Variants in SNX9 observed in about 807,000 individuals in gnomAD.
The protein encoded by SNX9 is sorting nexin 9.
A neutral mutation model predicts 89.4 loss-of-function variants in SNX9; 44 were observed. The ratio of observed to expected loss-of-function variants is 0.49; its 90% CI spans 0.39 to 0.63. The LOEUF is 0.63. Ranked by LOEUF, SNX9 falls within the 30% of genes least tolerant of loss-of-function variation. SNX9 has a pLI of 0.00. For missense variants in SNX9, 578 were observed against 736.1 expected, an observed-to-expected ratio of 0.79 and a Z score of 2.49; for synonymous variants, 236 against 247.8, an observed-to-expected ratio of 0.95 and a Z score of 0.45.
At chr6:157,862,935 T>C (rs1782174705) in intron 1 of SNX9, among the ~76,000 whole-genome samples, 1 of 152,206 alleles carries the variant, frequency 6.6e-6, no homozygotes, top group Non-Finnish European at 1.5e-5. Flanking sequence ...CATGAGGAGA[T>C]ACATTGGCTC....
chr6:157,895,059 C>T (rs775333454), intron 4 of SNX9, among the ~76,000 whole-genome samples: 3 of 152,062 alleles, frequency 2.0e-5, no homozygotes, highest in Non-Finnish European at 4.4e-5. Flanking sequence ...CAAAGCGATA[C>T]GTATGTATGA....
At chr6:157,830,106 A>G (rs1357928965) in intron 1 of SNX9, 2 of 152,206 alleles carry the variant, frequency 1.3e-5, no homozygotes, top group Non-Finnish European at 2.9e-5. Flanking sequence ...TATCTTTTTC[A>G]CCACAAATTG....
rs1562586371 is a variant in SNX9 at position 157,827,447 on chromosome 6, AGT to A, written c.12+4002_12+4003del. ...TATATAATATATAAACATATATTAT[AGT>A]TTATATAATATATAAACTTATAGTT... On this transcript the variant is annotated intron_variant, in intron 1 of 17. Coordinates refer to ENST00000392185, the MANE Select transcript of SNX9 (RefSeq NM_016224.5). Among the ~76,000 whole-genome samples the A allele has an allele frequency of 1.1e-4, 4 of 37,042 alleles. 2 individuals are homozygous for A. The highest frequency in any genetic ancestry group is 7.7e-5 in the Non-Finnish European group (2 of 26,080). The allele number at this position is 37,042 out of a possible 152,430, so 24.3% of individuals were successfully genotyped here. A position where few individuals can be genotyped will look rare whatever the true frequency, so the allele number is the denominator to read the frequency against.
chr6:157,835,685 G>GT (rs1337047500), intron 1 of SNX9, among the ~76,000 whole-genome samples: 1 of 152,064 alleles, frequency 6.6e-6, no homozygotes, highest in African/African-American at 2.4e-5. Context: ...TGAGCTGATG[G>GT]TTTTATAAGG....
At chr6:157,927,037 G>A (rs1583242240) in intron 10 of SNX9, 74 bp from the exon 11 acceptor site, 2 of 1,102,786 alleles carry the variant, frequency 1.8e-6, no homozygotes, top group African/African-American at 3.1e-5. Context: ...TAAATGAGCT[G>A]GTCCTGTTTG....
chr6:157,842,862 G>A (rs1375147888), intron 1 of SNX9, among the ~76,000 whole-genome samples: 9 of 152,302 alleles, frequency 5.9e-5, no homozygotes, highest in East Asian at 3.9e-4. Context: ...CCCCGAAATT[G>A]TAATTTCTTG....
At chr6:157,881,238 T>A (rs1782615132) in intron 4 of SNX9, among the ~76,000 whole-genome samples, 1 of 152,220 alleles carries the variant, frequency 6.6e-6, no homozygotes, top group African/African-American at 2.4e-5. Flanking sequence ...TTTTGATGAT[T>A]CATGATGAGT....
chr6:157,902,428 A>G (rs1298547195), intron 6 of SNX9, among the ~76,000 whole-genome samples: 1 of 152,174 alleles, frequency 6.6e-6, no homozygotes, highest in Non-Finnish European at 1.5e-5. Flanking sequence ...TGTGCCAGGC[A>G]TTGTGCAGAG....
intron 7 of SNX9, among the ~76,000 whole-genome samples, chr6:157,907,278 T>G (rs1361343140): frequency 1.3e-5 from 2 of 151,558 alleles, no homozygotes; most frequent in African/African-American, 4.9e-5. Context: ...AGTTTTGTTT[T>G]TTTGTTTGTT....
At position 157,939,567 on chromosome 6, in the gene SNX9, T is replaced by C. The variant is rs569351713; in HGVS notation, c.1648+820T>C. On this transcript the variant is annotated intron_variant, in intron 16 of 17. Coordinates refer to ENST00000392185, the MANE Select transcript of SNX9 (RefSeq NM_016224.5). ...CTTTGAGGGCCTAAAGATGTGGTAC[T>C]GGGGAGAAGAGAATGAAGCACATTT... is the stretch of plus-strand genomic sequence containing the variant. 5.9e-5 allele frequency among the ~76,000 whole-genome samples: 9 copies of C among 152,248 alleles called. No homozygotes were observed. The South Asian group carries it at 1.9e-3, about 32-fold the overall frequency.
intron 1 of SNX9, among the ~76,000 whole-genome samples, chr6:157,860,762 C>G (rs1782105192): frequency 6.6e-6 from 1 of 152,170 alleles, no homozygotes; most frequent in Non-Finnish European, 1.5e-5. Flanking sequence ...GAGTGAACTA[C>G]AGAGAGAGGG....
At chr6:157,844,177 G>GC (rs1781755838) in intron 1 of SNX9, among the ~76,000 whole-genome samples, 1 of 152,084 alleles carries the variant, frequency 6.6e-6, no homozygotes, top group South Asian at 2.1e-4. Context: ...CACTTTGCCT[G>GC]CCAATTTCTT....
chr6:157,890,635 A>G (rs1210848867), intron 4 of SNX9, among the ~76,000 whole-genome samples: 1 of 152,196 alleles, frequency 6.6e-6, no homozygotes, highest in Admixed American at 6.5e-5. Flanking sequence ...GAGTGTATTC[A>G]TTCAACAGAT....
chr6:157,847,504 T>A (rs900354473), intron 1 of SNX9, among the ~76,000 whole-genome samples: 1 of 152,104 alleles, frequency 6.6e-6, no homozygotes, highest in African/African-American at 2.4e-5. Context: ...TGCTATATAT[T>A]CTATAGGAGT....
At chr6:157,942,348 C>T (rs1784051944) in intron 17 of SNX9, among the ~76,000 whole-genome samples, 1 of 152,226 alleles carries the variant, frequency 6.6e-6, no homozygotes, top group African/African-American at 2.4e-5. Context: ...GCCTCGTTAG[C>T]TTCACAGGCA....
Position 157,915,470 on chromosome 6 carries a change from A to G in SNX9, c.949+5445A>G, listed in dbSNP as rs576003841. 7.3e-5 allele frequency among the ~76,000 whole-genome samples: 11 copies of G among 151,614 alleles called. 1 individual carries two copies. The South Asian group carries it at 2.3e-3, about 32-fold the overall frequency. On this transcript the variant is annotated intron_variant, in intron 9 of 17. Coordinates refer to ENST00000392185, the MANE Select transcript of SNX9 (RefSeq NM_016224.5). ...GTAGTCTTCAACATACAGATTCTGC[A>G]TATATTTTGTTAGATTTATGTGTAA... is the stretch of plus-strand genomic sequence containing the variant.
At chr6:157,879,673 T>C (rs1782587100) in intron 4 of SNX9, among the ~76,000 whole-genome samples, 1 of 152,244 alleles carries the variant, frequency 6.6e-6, no homozygotes, top group South Asian at 2.1e-4. Context: ...CTAGAATGAA[T>C]GGACCAGCTG....
intron 1 of SNX9, among the ~76,000 whole-genome samples, chr6:157,827,745 T>C (rs1781408424): frequency 6.6e-6 from 1 of 151,266 alleles, no homozygotes; most frequent in South Asian, 2.1e-4. Context: ...TCCATATCTA[T>C]ATAATTTAGC....
At chr6:157,930,382 G>A (rs968880069) in intron 12 of SNX9, among the ~76,000 whole-genome samples, 2 of 152,148 alleles carry the variant, frequency 1.3e-5, no homozygotes, top group Admixed American at 6.5e-5. Flanking sequence ...AACAAAACCT[G>A]TGTCAAGACT....
Sources: allele counts gnomAD v4.1 joint callset (sites outside exome capture counted in the v4.1 genomes callset), GRCh38; gene constraint gnomAD v4.1.1; transcripts MANE v1.5; gene names NCBI Gene and HGNC (gene_info 2026-07-23, HGNC 2026-07-21).